Variants in CDH4 observed in about 807,000 individuals in gnomAD.
CDH4 encodes the protein cadherin 4, also known as cadherin-4.
Under a neutral mutation model 86.0 loss-of-function variants are expected in CDH4, and 33 were observed. The ratio of observed to expected loss-of-function variants is 0.38; its 90% CI spans 0.29 to 0.51. The LOEUF is 0.51. CDH4 is among the 20% of genes least tolerant of loss of function. The pLI is 0.86. For synonymous variants in CDH4, 555 were observed against 549.4 expected, an observed-to-expected ratio of 1.01 and a Z score of -0.14; for missense variants, 1,114 against 1,307.4, an observed-to-expected ratio of 0.85 and a Z score of 2.28.
Position 61,522,773 on chromosome 20 carries a change from C to T in CDH4, c.170-220790C>T, listed in dbSNP as rs943575638. ...TCCGCGGAAAGTTTAATTGACGGCC[C>T]GGTGCCGGTGTGGCCTTATTATCTG... On this transcript the variant is annotated intron_variant, in intron 2 of 15. Coordinates refer to ENST00000614565, the MANE Select transcript of CDH4 (RefSeq NM_001794.5). Among the ~76,000 whole-genome samples the T allele has an allele frequency of 4.6e-5, 7 of 152,230 alleles. No homozygotes were observed. In the South Asian group the frequency reaches 6.2e-4, roughly 13 times the overall value.
intron 14 of CDH4, 70 bp from the exon 15 acceptor site, chr20:61,933,986 G>T: frequency 6.4e-7 from 1 of 1,561,212 alleles, no homozygotes; most frequent in Non-Finnish European, 8.7e-7. Flanking sequence ...TGACAGAAAA[G>T]GATGCAGGGT....
intron 2 of CDH4, among the ~76,000 whole-genome samples, chr20:61,408,736 G>A (rs201366047): frequency 6.6e-6 from 1 of 152,194 alleles, no homozygotes; most frequent in Admixed American, 6.5e-5. Flanking sequence ...CAACACCATG[G>A]AATCACATGA....
intron 8 of CDH4, among the ~76,000 whole-genome samples, chr20:61,909,019 A>G (rs1193299201): frequency 1.3e-5 from 2 of 152,178 alleles, no homozygotes; most frequent in African/African-American, 2.4e-5. Flanking sequence ...TAACTTGGTC[A>G]CCTCTTTAAA....
intron 2 of CDH4, among the ~76,000 whole-genome samples, chr20:61,265,069 T>A (rs2084149893): frequency 6.6e-6 from 1 of 151,850 alleles, no homozygotes; most frequent in South Asian, 2.1e-4. Flanking sequence ...GGCTCCTTCA[T>A]TCAATCTTAC....
intron 2 of CDH4, among the ~76,000 whole-genome samples, chr20:61,667,500 G>C (rs895198478): frequency 6.6e-6 from 1 of 152,258 alleles, no homozygotes; most frequent in East Asian, 1.9e-4. Flanking sequence ...CCTGTTTCCA[G>C]AGAGGGTGGC....
At chr20:61,932,398 A>G (rs964838771) in intron 13 of CDH4, among the ~76,000 whole-genome samples, 2 of 152,210 alleles carry the variant, frequency 1.3e-5, no homozygotes, top group African/African-American at 4.8e-5. Flanking sequence ...TTGGAAACTC[A>G]TGCACACGCA....
intron 5 of CDH4, among the ~76,000 whole-genome samples, chr20:61,852,127 G>A (rs577521353): frequency 1.1e-4 from 16 of 151,764 alleles, no homozygotes; most frequent in African/African-American, 1.7e-4. Flanking sequence ...GCCTCTCCAC[G>A]GATCCCCCCA....
chr20:61,757,233 A>AC (rs5842364), intron 3 of CDH4, among the ~76,000 whole-genome samples: 15,767 of 142,656 alleles, frequency 0.11, 923 homozygotes, highest in African/African-American at 0.16. Context: ...CAGAACACAG[A>AC]CCCCCCCCCC....
intron 2 of CDH4, among the ~76,000 whole-genome samples, chr20:61,292,751 C>T (rs777975616): frequency 3.9e-5 from 6 of 152,368 alleles, no homozygotes; most frequent in East Asian, 1.9e-4. Context: ...GCCAGAAACA[C>T]GAGAAAATAG....
intron 2 of CDH4, among the ~76,000 whole-genome samples, chr20:61,655,904 T>G (rs1028192343): frequency 2.0e-5 from 3 of 152,212 alleles, no homozygotes; most frequent in African/African-American, 4.8e-5. Context: ...GCTCCAAGGC[T>G]GCATGTGCCT....
At chr20:61,325,222 G>GAAA (rs11482226) in intron 2 of CDH4, among the ~76,000 whole-genome samples, 1 of 144,620 alleles carries the variant, frequency 6.9e-6, no homozygotes, top group Non-Finnish European at 1.5e-5. Context: ...GTGGTCACTG[G>GAAA]AAAAAAAAAA....
At chr20:61,802,978 G>C (rs1270583035) in intron 4 of CDH4, among the ~76,000 whole-genome samples, 3 of 152,266 alleles carry the variant, frequency 2.0e-5, no homozygotes, top group Admixed American at 6.5e-5. Context: ...ATGGCAGCTG[G>C]GGAGGCAGAG....
At chr20:61,442,244 T>G (rs1388222613) in intron 2 of CDH4, among the ~76,000 whole-genome samples, 1 of 152,236 alleles carries the variant, frequency 6.6e-6, no homozygotes, top group African/African-American at 2.4e-5. Flanking sequence ...CTCATGCCAC[T>G]GTTGAAAAGC....
At chr20:61,309,690 A>G (rs1212029564) in intron 2 of CDH4, among the ~76,000 whole-genome samples, 2 of 152,160 alleles carry the variant, frequency 1.3e-5, no homozygotes, top group Non-Finnish European at 2.9e-5. Flanking sequence ...TAATTATTCT[A>G]TTTAGTGGGG....
At chr20:61,610,373 C>G (rs991800353) in intron 2 of CDH4, among the ~76,000 whole-genome samples, 3 of 152,204 alleles carry the variant, frequency 2.0e-5, no homozygotes, top group African/African-American at 7.2e-5. Flanking sequence ...TGTACATGAA[C>G]TACATTGTCT....
intron 7 of CDH4, among the ~76,000 whole-genome samples, chr20:61,874,562 G>A (rs1467282818): frequency 6.6e-6 from 1 of 152,180 alleles, no homozygotes; most frequent in Non-Finnish European, 1.5e-5. Flanking sequence ...GGTGAGGTCG[G>A]GGGCCTGCCT....
chr20:61,935,614 C>T (rs1163723937), intron 15 of CDH4, among the ~76,000 whole-genome samples: 3 of 150,588 alleles, frequency 2.0e-5, no homozygotes, highest in East Asian at 2.0e-4. Context: ...AAAAATTAGC[C>T]GGCGTGGTGG....
At chr20:61,731,994 C>T (rs967502900) in intron 2 of CDH4, among the ~76,000 whole-genome samples, 1 of 152,152 alleles carries the variant, frequency 6.6e-6, no homozygotes, top group African/African-American at 2.4e-5. Flanking sequence ...TGAGCCAGCG[C>T]CACCACCTTC....
chr20:61,291,055 A>C (rs1003449590), intron 2 of CDH4, among the ~76,000 whole-genome samples: 9 of 151,832 alleles, frequency 5.9e-5, no homozygotes, highest in African/African-American at 1.7e-4. Context: ...GTGTCCCCCA[A>C]CCCCTGTCTC....
Sources: allele counts gnomAD v4.1 joint callset (sites outside exome capture counted in the v4.1 genomes callset), GRCh38; gene constraint gnomAD v4.1.1; transcripts MANE v1.5; gene names NCBI Gene and HGNC (gene_info 2026-07-23, HGNC 2026-07-21).